UCKL1: variants seen among roughly 807,000 people sequenced by gnomAD.
UCKL1 encodes uridine-cytidine kinase 1 like 1.
UCKL1 carries 65 observed loss-of-function variants against 59.2 expected under a neutral mutation model. The observed-to-expected ratio is 1.10, with a 90% CI of 0.90 to 1.35. The LOEUF (loss-of-function observed/expected upper bound fraction) is 1.35, where lower values mean the gene tolerates loss of function less well. Among genes scored for constraint, UCKL1 ranks in the 40% most tolerant of loss-of-function variants. UCKL1 has a pLI of 0.00. For synonymous variants in UCKL1, 410 were observed against 323.1 expected, an observed-to-expected ratio of 1.27 and a Z score of -2.88; for missense variants, 703 against 784.3, an observed-to-expected ratio of 0.90 and a Z score of 1.24.
Position 63,946,192 on chromosome 20 carries a change from A to G in UCKL1, c.380T>C (p.Val127Ala). The change falls in exon 3 of 15, where the codon GTG (valine) becomes GCG (alanine). Residue 127 changes from valine (V) to alanine (A), a missense_variant. Physicochemically the swap from Val to Ala is moderately conservative, Grantham distance 64. This residue lies in a region of UCKL1 where 398 missense variants were observed against 373.0 expected (regional missense o/e 1.07). Transcript: ENST00000354216. ...GAAGGAGTCCATGGACAGCAAGACC[A>G]CCCAGGGCACATCCAGGGCCTCGAT... ...MIIEALDVPWVVLLSMDSFYK... is the reference protein window; with the variant it reads ...MIIEALDVPWAVLLSMDSFYK... 6.2e-7 allele frequency: 1 copy of G among 1,612,040 alleles called. No individual in the cohort carries two copies. The highest frequency in any genetic ancestry group is 8.5e-7 in the Non-Finnish European group (1 of 1,179,618).
chr20:63,944,521 C>A, intron 6 of UCKL1, 24 bp downstream of exon 6: 1 of 1,598,944 alleles, frequency 6.3e-7, no homozygotes, highest in Non-Finnish European at 8.5e-7. Context: ...GACACCCACC[C>A]AACAGGCAGC....
intron 1 of UCKL1, chr20:63,948,143 T>C (rs1601212099): frequency 6.6e-6 from 1 of 152,178 alleles, no homozygotes; most frequent in Non-Finnish European, 1.5e-5. Flanking sequence ...CTGGCTGTGG[T>C]GGCCTCAGCA....
chr20:63,944,418 G>A lies in UCKL1; in HGVS notation c.885C>T (p.His295=), dbSNP rs1019718698. 25 of 1,573,034 alleles carry A rather than the reference G, an allele frequency of 1.6e-5. 1 individual carries two copies. Among genetic ancestry groups the A allele is most frequent in the African/African-American group, 1.2e-4 (9 of 74,104 alleles). Residue 295 remains histidine (H), a synonymous_variant, in exon 7 of 15, where the codon CAC becomes CAT. Coordinates refer to ENST00000354216, the MANE Select transcript of UCKL1 (RefSeq NM_017859.4). ...TCACCTCCTCCAGCTGGCTGTGCAC[G>A]TGCTGCACAATCAGGTCGATGGCCA... ...NTVAIDLIVQ[H]VHSQLEEREL...
At chr20:63,954,468 T>C (rs1223420841) in intron 1 of UCKL1, 3 of 152,188 alleles carry the variant, frequency 2.0e-5, no homozygotes, top group African/African-American at 7.2e-5. Context: ...ACCCCAGCCC[T>C]GGGGACAGAC....
rs778885712 is a variant in UCKL1 at position 63,940,840 on chromosome 20, G to C, written c.1133C>G (p.Thr378Ser). The C allele has an allele frequency of 6.4e-7, 1 of 1,558,922 alleles. No homozygotes were observed. The highest frequency in any genetic ancestry group is 1.2e-5 in the South Asian group (1 of 82,392). Residue 378 changes from threonine to serine, a missense_variant, in exon 11 of 15, where the codon ACC becomes AGC. By Grantham distance (58) the Thr-to-Ser change is moderately conservative. Transcript: ENST00000354216. ...FLPFQDCVVQ[T>S]PQGQDYAGKC... ...GCCCGCATAGTCCTGCCCCTGCGGG[G>C]TCTGTACGACGCAGTCCTGTGGGGT... is the stretch of plus-strand genomic sequence containing the variant.
At chr20:63,949,806 C>T (rs2057308179) in intron 1 of UCKL1, among the ~76,000 whole-genome samples, 1 of 152,372 alleles carries the variant, frequency 6.6e-6, no homozygotes, top group South Asian at 2.1e-4. Context: ...CTCCCAGCAC[C>T]GCCCTTGCGG....
rs762360603 is a variant in UCKL1 at position 63,944,436 on chromosome 20, G to A, written c.867C>T (p.Ile289=). The A allele has an allele frequency of 8.3e-6, 13 of 1,573,590 alleles. No homozygotes were observed. The highest frequency in any genetic ancestry group is 8.1e-5 in the South Asian group (7 of 86,634). The change falls in exon 7 of 15, where the codon ATC becomes ATT. Residue 289 remains isoleucine, a synonymous_variant. Coordinates refer to ENST00000354216, the MANE Select transcript of UCKL1 (RefSeq NM_017859.4). ...TGTGCACGTGCTGCACAATCAGGTC[G>A]ATGGCCACCGTGTTGCCGCTCCCTG... The part of the protein sequence containing the change: ...VPRGSGNTVA[I]DLIVQHVHSQ...
intron 1 of UCKL1, chr20:63,955,999 G>T: frequency 2.8e-6 from 1 of 352,458 alleles, no homozygotes. Flanking sequence ...CGGGGGCAGA[G>T]ACCAAGGTCA....
rs772795083 is a variant in UCKL1 at position 63,941,156 on chromosome 20, C to T, written c.976G>A (p.Val326Ile). 2 of 1,587,012 alleles carry T rather than the reference C, an allele frequency of 1.3e-6. No homozygotes were observed. The highest frequency in any genetic ancestry group is 2.2e-5 in the South Asian group (2 of 89,038). ...QCHPLPRTLS[V>I]LKSTPQVRGM... ...CGTACCTGCGGCGTGCTCTTCAGGA[C>T]GCTCAGCGTCCGGGGCAGCGGGTGG... The change falls in exon 9 of 15, where the codon GTC becomes ATC. Residue 326 changes from valine to isoleucine, a missense_variant. Coordinates refer to ENST00000354216, the MANE Select transcript of UCKL1 (RefSeq NM_017859.4).
chr20:63,949,656 C>T (rs76766334), intron 1 of UCKL1, among the ~76,000 whole-genome samples: 28,947 of 152,170 alleles, frequency 0.19, 2,895 homozygotes, highest in Middle Eastern at 0.28. Context: ...CCCTGGAGGC[C>T]GTGGTGGGCA....
Position 63,946,264 on chromosome 20 carries a change from A to G in UCKL1, c.308T>C (p.Leu103Ser). 1.3e-6 allele frequency: 2 copies of G among 1,589,566 alleles called. No homozygotes were observed. The highest frequency in any genetic ancestry group is 1.1e-5 in the South Asian group (1 of 88,110). Residue 103 changes from leucine (L) to serine (S), a missense_variant, in exon 3 of 15, where the codon TTG (leucine) becomes TCG (serine). By Grantham distance (145) the Leu-to-Ser change is moderately radical. Coordinates refer to ENST00000354216, the MANE Select transcript of UCKL1 (RefSeq NM_017859.4). The stretch of plus-strand genomic sequence containing the variant: ...CTTCCCAGAGGCACTGCCGCCTCCC[A>G]AGCCTGCCGGCGGGAGTGGAGACCC... ...TQSKEAFAIG[L>S]GGGSASGKTT...
chr20:63,949,657 G>A lies in UCKL1; in HGVS notation c.114-3014C>T, dbSNP rs371562023. On this transcript the variant is annotated intron_variant, in intron 1 of 14. Coordinates refer to ENST00000354216, the MANE Select transcript of UCKL1 (RefSeq NM_017859.4). The stretch of plus-strand genomic sequence containing the variant: ...AAACGCTCTGGTGGCCCTGGAGGCC[G>A]TGGTGGGCAGAGAACAAATCCAGGC... 1.4e-3 allele frequency among the ~76,000 whole-genome samples: 207 copies of A among 152,336 alleles called. 4 individuals are homozygous for A. The South Asian group carries it at 0.033, about 24-fold the overall frequency.
In UCKL1 at chr20:63,943,644, A is replaced by G. The variant is rs375090523; in HGVS notation, c.923+9T>C. 137 of 1,612,700 alleles carry G rather than the reference A, an allele frequency of 8.5e-5. No individual in the cohort carries two copies. In the African/African-American group the frequency reaches 1.5e-3, roughly 18 times the overall value. On this transcript the variant is annotated intron_variant, in intron 8 of 14. Transcript: ENST00000354216. ...CCTCCATCTGTGCAGACAGCTGTGC[A>G]AGTCTTACCTGACGCTGAGTTCACG...
intron 1 of UCKL1, chr20:63,955,748 CT>C (rs926546160): frequency 6.6e-6 from 1 of 152,290 alleles, no homozygotes; most frequent in African/African-American, 2.4e-5. Flanking sequence ...GGGCGGGTTC[CT>C]CCCGCTGCAC....
At chr20:63,950,850 C>A in intron 1 of UCKL1, 1 of 1,495,124 alleles carries the variant, frequency 6.7e-7, no homozygotes, top group Non-Finnish European at 8.9e-7. Context: ...GGTGGGTGCT[C>A]CTGAACAGCA....
At chr20:63,945,176 G>C (rs572157886) in intron 5 of UCKL1, among the ~76,000 whole-genome samples, 1 of 152,200 alleles carries the variant, frequency 6.6e-6, no homozygotes, top group African/African-American at 2.4e-5. Context: ...TAGTTGGCCC[G>C]TGAAGAGGCC....
At chr20:63,945,555 G>A in intron 5 of UCKL1, 96 bp downstream of exon 5, 2 of 1,282,712 alleles carry the variant, frequency 1.6e-6, no homozygotes, top group South Asian at 2.6e-5. Flanking sequence ...ATACAGTGTG[G>A]AGGCCTTGGG....
Position 63,945,881 on chromosome 20 carries a change from A to G in UCKL1, c.506T>C (p.Leu169Pro). 2 of 1,613,522 alleles carry G rather than the reference A, an allele frequency of 1.2e-6. No homozygotes were observed. Among genetic ancestry groups the G allele is most frequent in the Non-Finnish European group, 1.7e-6 (2 of 1,179,922 alleles). Residue 169 changes from leucine (L) to proline (P), a missense_variant, in exon 4 of 15, where the codon CTC becomes CCC. By Grantham distance (98) the Leu-to-Pro change is moderately conservative. Transcript: ENST00000354216. ...AFDFDLIISTLKKLKQGKSVK... is the reference protein window; with the variant it reads ...AFDFDLIISTPKKLKQGKSVK... ...ACTCTTCCCCTGCTTCAGCTTCTTG[A>G]GGGTGGAAATGATGAGGTCGAAGTC...
At chr20:63,951,702 A>T (rs1405123406) in intron 1 of UCKL1, among the ~76,000 whole-genome samples, 2 of 151,594 alleles carry the variant, frequency 1.3e-5, no homozygotes, top group Non-Finnish European at 2.9e-5. Flanking sequence ...TCAGCAGGGC[A>T]CAGGGGACAC....
Sources: gnomAD v4.1 joint callset for allele counts (sites outside exome capture counted in the v4.1 genomes callset) on GRCh38, gnomAD v4.1.1 for gene constraint, gnomAD v4.1.1 regional missense constraint, MANE v1.5 for transcripts, NCBI Gene and HGNC (gene_info 2026-07-23, HGNC 2026-07-21) for gene names.